UGT1A9: variants seen among roughly 807,000 people sequenced by gnomAD.
The protein encoded by UGT1A9 is UDP glucuronosyltransferase family 1 member A9, also known as UDP-glucuronosyltransferase 1A9.
UGT1A9 carries 35 observed loss-of-function variants against 45.0 expected under a neutral mutation model. That is an observed-to-expected ratio of 0.78 (90% CI 0.59 to 1.03). The LOEUF (loss-of-function observed/expected upper bound fraction) is 1.03. UGT1A9 is among the 50% of genes least tolerant of loss of function. The pLI, the probability that UGT1A9 is intolerant of heterozygous loss-of-function variation, is 0.00. For synonymous variants in UGT1A9, 278 were observed against 250.6 expected, an observed-to-expected ratio of 1.11 and a Z score of -1.03; for missense variants, 687 against 666.6, an observed-to-expected ratio of 1.03 and a Z score of -0.34.
intron 1 of UGT1A9, among the ~76,000 whole-genome samples, chr2:233,732,141 T>G (rs532123817): frequency 9.3e-4 from 141 of 151,992 alleles, no homozygotes; most frequent in African/African-American, 3.3e-3. Flanking sequence ...TGTTTGTTTG[T>G]TTTTTTTCTT....
intron 1 of UGT1A9, among the ~76,000 whole-genome samples, chr2:233,746,568 A>G (rs1299748110): frequency 6.6e-6 from 1 of 151,704 alleles, no homozygotes; most frequent in Non-Finnish European, 1.5e-5. Flanking sequence ...AGAGCACCAC[A>G]CCCTGTAATT....
intron 1 of UGT1A9, among the ~76,000 whole-genome samples, chr2:233,752,940 A>T (rs1005921462): frequency 6.6e-6 from 1 of 152,226 alleles, no homozygotes; most frequent in African/African-American, 2.4e-5. Flanking sequence ...CTCTTTGCTG[A>T]CCACTGAACA....
intron 1 of UGT1A9, among the ~76,000 whole-genome samples, chr2:233,722,279 AT>A (rs1210405626): frequency 6.6e-6 from 1 of 152,090 alleles, no homozygotes; most frequent in Non-Finnish European, 1.5e-5. Flanking sequence ...TATTACATTG[AT>A]TTCCTTTGTT....
chr2:233,729,230 C>T, intron 1 of UGT1A9: 2 of 1,614,168 alleles, frequency 1.2e-6, no homozygotes, highest in Non-Finnish European at 1.7e-6. Context: ...TTGGTGGTGC[C>T]CATTGATGGC....
At chr2:233,764,036 G>T (rs905956037) in intron 1 of UGT1A9, among the ~76,000 whole-genome samples, 5 of 152,136 alleles carry the variant, frequency 3.3e-5, no homozygotes, top group Non-Finnish European at 7.4e-5. Flanking sequence ...TGCTAAAGAA[G>T]AATTCTGGGA....
At chr2:233,690,639 A>G (rs1436804379) in intron 1 of UGT1A9, 2 of 1,287,574 alleles carry the variant, frequency 1.6e-6, no homozygotes, top group East Asian at 1.1e-4. Flanking sequence ...ACCTGAGGAC[A>G]CCTTGACTCC....
rs2076750903 is a variant in UGT1A9, at chr2:233,719,310, T to G, written c.855+46521T>G. On this transcript the variant is annotated intron_variant, in intron 1 of 4. Transcript: ENST00000354728. The stretch of plus-strand genomic sequence containing the variant: ...CCTCTGTGGGGCGGTGCTGGCTAAG[T>G]ACCTGTCGATTCCTGCTGTGTTTTT... 5 of 1,613,982 alleles carry G rather than the reference T, an allele frequency of 3.1e-6. No homozygotes were observed. In the East Asian group the frequency reaches 1.1e-4, roughly 36 times the overall value.
chr2:233,763,862 C>T (rs755965727), intron 1 of UGT1A9, among the ~76,000 whole-genome samples: 8 of 152,072 alleles, frequency 5.3e-5, no homozygotes, highest in South Asian at 2.1e-4. Context: ...CACAGACAAT[C>T]GCAATGCTGG....
At chr2:233,680,093 CAA>C (rs1462365086) in intron 1 of UGT1A9, among the ~76,000 whole-genome samples, 38 of 152,092 alleles carry the variant, frequency 2.5e-4, no homozygotes, top group Non-Finnish European at 5.0e-4. Flanking sequence ...AAATGGCAGG[CAA>C]TCATAGCGGC....
intron 1 of UGT1A9, chr2:233,741,725 C>G (rs1312283881): frequency 6.6e-6 from 1 of 151,856 alleles, no homozygotes; most frequent in Non-Finnish European, 1.5e-5. Flanking sequence ...AGAGCATATC[C>G]AAACCCATAT....
chr2:233,729,981 G>A (rs747249815), intron 1 of UGT1A9: 1 of 1,614,052 alleles, frequency 6.2e-7, no homozygotes, highest in Non-Finnish European at 8.5e-7. Flanking sequence ...CCAACAGGAA[G>A]CCACTATCTC....
intron 1 of UGT1A9, among the ~76,000 whole-genome samples, chr2:233,687,294 AG>A (rs1476056619): frequency 6.6e-6 from 1 of 152,206 alleles, no homozygotes; most frequent in African/African-American, 2.4e-5. Context: ...CAACATGGTG[AG>A]ATATCAATGT....
At position 233,713,558 on chromosome 2, in the gene UGT1A9, C is replaced by T. The variant is rs17863789; in HGVS notation, c.855+40769C>T. 1.1e-4 allele frequency: 181 copies of T among 1,613,960 alleles called. 2 individuals carry two copies. The Admixed American group carries it at 2.1e-3, about 19-fold the overall frequency. On this transcript the variant is annotated intron_variant, in intron 1 of 4. Transcript: ENST00000354728. ...ACTTTAAGGGCACACAGTGTCCAAA[C>T]CCTTCCTCCTATATTCCTAGATTAC...
At position 233,672,648 on chromosome 2, in the gene UGT1A9, T is replaced by G. The variant is rs1413918470; in HGVS notation, c.714T>G (p.Pro238=). The change falls in exon 1 of 5, where the codon CCT becomes CCG. Residue 238 remains proline, a synonymous_variant. Coordinates refer to ENST00000354728, the MANE Select transcript of UGT1A9 (RefSeq NM_021027.3). ...TAGCCTCTGAAATTCTCCAAACACC[T>G]GTTACGGAGTATGATCTCTACAGCC... ...LEIASEILQT[P]VTEYDLYSHT... is the part of the protein sequence containing the mutation. 1 of 1,613,928 alleles carries G rather than the reference T, an allele frequency of 6.2e-7. No homozygotes were observed. Among genetic ancestry groups the G allele is most frequent in the East Asian group, 2.2e-5 (1 of 44,882 alleles).
At chr2:233,765,711 T>TTAATAATAATAA (rs10664358) in intron 1 of UGT1A9, among the ~76,000 whole-genome samples, 10 of 149,240 alleles carry the variant, frequency 6.7e-5, no homozygotes, top group East Asian at 2.0e-4. Flanking sequence ...ATAATAATAA[T>TTAATAATAATAA]TAATAATAAT....
At chr2:233,760,273 A>C in intron 1 of UGT1A9, 3 of 1,612,532 alleles carry the variant, frequency 1.9e-6, no homozygotes, top group Non-Finnish European at 1.7e-6. Flanking sequence ...AACCTCTGGC[A>C]GGAGCAAAGG....
intron 1 of UGT1A9, chr2:233,718,641 G>A: frequency 6.8e-7 from 1 of 1,475,748 alleles, no homozygotes; most frequent in Non-Finnish European, 9.1e-7. Context: ...CCAGGGTTGG[G>A]CCCATAACGA....
chr2:233,743,264 C>T, intron 1 of UGT1A9: 1 of 454,126 alleles, frequency 2.2e-6, no homozygotes, highest in South Asian at 1.7e-5. Context: ...CCATCTTCCT[C>T]CACTTCCACC....
chr2:233,686,205 T>A (rs895549790), intron 1 of UGT1A9, among the ~76,000 whole-genome samples: 6 of 151,874 alleles, frequency 4.0e-5, no homozygotes, highest in Admixed American at 6.6e-5. Context: ...GAAGAAAAAA[T>A]TAGAAAAATA....
Sources: allele counts gnomAD v4.1 joint callset (sites outside exome capture counted in the v4.1 genomes callset), GRCh38; gene constraint gnomAD v4.1.1; transcripts MANE v1.5; gene names NCBI Gene and HGNC (gene_info 2026-07-23, HGNC 2026-07-21).